The following KIF20B variants were observed in gnomAD, a reference collection of about 807,000 sequenced individuals.
KIF20B encodes the protein kinesin-like protein KIF20B.
A neutral mutation model predicts 232.5 loss-of-function variants in KIF20B; 188 were observed. The observed-to-expected ratio is 0.81, with a 90% confidence interval of 0.72 to 0.91. KIF20B has a LOEUF of 0.91. Among genes scored for constraint, KIF20B ranks in the 40% least tolerant of loss-of-function variants. KIF20B has a pLI of 0.00. For missense variants in KIF20B, 2,154 were observed against 2,055.9 expected, an observed-to-expected ratio of 1.05 and a Z score of -0.92; for synonymous variants, 712 against 683.0, an observed-to-expected ratio of 1.04 and a Z score of -0.66.
rs1427537146 is a variant in KIF20B at position 89,726,505 on chromosome 10, A to G, written c.2214A>G (p.Leu738=). 3 of 1,591,226 alleles carry G rather than the reference A, an allele frequency of 1.9e-6. No individual in the cohort carries two copies. ...KGELIKTKEE[L]KKRENESDSL... Reference sequence around the variant, plus strand: ...AATTAATCAAAACCAAAGAAGAGTTAAAAAAGAGAGAAAATGGTAAGTGGA... The same window carrying G: ...AATTAATCAAAACCAAAGAAGAGTTGAAAAAGAGAGAAAATGGTAAGTGGA... Residue 738 remains leucine (L), a synonymous_variant, in exon 16 of 33, where the codon TTA becomes TTG. Coordinates refer to ENST00000371728, the MANE Select transcript of KIF20B (RefSeq NM_001284259.2).
intron 5 of KIF20B, among the ~76,000 whole-genome samples, 169 bp downstream of exon 5, chr10:89,710,234 G>A (rs986469660): frequency 1.4e-5 from 2 of 142,196 alleles, no homozygotes; most frequent in Admixed American, 7.1e-5. Flanking sequence ...TTTTTTTGGC[G>A]GGGGAGGGAC....
chr10:89,719,823 A>C, intron 13 of KIF20B, 117 bp downstream of exon 13: 1 of 794,406 alleles, frequency 1.3e-6, no homozygotes, highest in Non-Finnish European at 2.0e-6. Context: ...TTTGTGTTCA[A>C]CTTTATATTT....
intron 22 of KIF20B, among the ~76,000 whole-genome samples, chr10:89,744,662 G>A (rs1474531349): frequency 6.6e-6 from 1 of 151,884 alleles, no homozygotes; most frequent in Non-Finnish European, 1.5e-5. Flanking sequence ...TATTGTATAT[G>A]GTTATTTTTT....
At position 89,768,887 on chromosome 10, in the gene KIF20B, A is replaced by G; in HGVS notation, c.5241A>G (p.Lys1747=). ...LQHSPSILQS[K]AKKIIETMSS... is the part of the protein sequence containing the mutation. ...ATTCTCCCTCAATTCTTCAATCAAAAGGTTTGCAGAAAATTAATTAAATGA... is the reference window on the plus strand; with the variant it reads ...ATTCTCCCTCAATTCTTCAATCAAAGGGTTTGCAGAAAATTAATTAAATGA... The change falls in exon 31 of 33, where the codon AAA becomes AAG. Residue 1747 remains lysine, a splice_region_variant and synonymous_variant. Coordinates refer to ENST00000371728, the MANE Select transcript of KIF20B (RefSeq NM_001284259.2). 6.3e-7 allele frequency: 1 copy of G among 1,580,468 alleles called. No individual in the cohort carries two copies. Among genetic ancestry groups the G allele is most frequent in the Non-Finnish European group, 8.5e-7 (1 of 1,170,084 alleles).
rs750803274 is a variant in KIF20B at position 89,768,273 on chromosome 10, A to C, written c.4990-17A>C. 7 of 1,441,704 alleles carry C rather than the reference A, an allele frequency of 4.9e-6. No individual in the cohort carries two copies. The East Asian group carries it at 1.6e-4, about 33-fold the overall frequency. The allele number at this position is 1,441,704 out of a possible 1,614,324, so 89.3% of individuals were successfully genotyped here. A position where few individuals can be genotyped will look rare whatever the true frequency, so the allele number is the denominator to read the frequency against. ...ATTGTCAAGAAATTAACTGGTGCTAAAATTCATTATTTTTAGGACTTGGTG... is the reference window on the plus strand; with the variant it reads ...ATTGTCAAGAAATTAACTGGTGCTACAATTCATTATTTTTAGGACTTGGTG... On this transcript the variant is annotated splice_polypyrimidine_tract_variant and intron_variant, in intron 29 of 32. Coordinates refer to ENST00000371728, the MANE Select transcript of KIF20B (RefSeq NM_001284259.2).
rs1296232866 is a variant in KIF20B, at chr10:89,768,825, G to A, written c.5179G>A (p.Glu1727Lys). Residue 1727 changes from glutamate to lysine, a missense_variant, in exon 31 of 33, where the codon GAA (glutamate) becomes AAA (lysine). Transcript: ENST00000371728. ...IGVNLATKKK[E>K]GTLQKFGDFL... ...TGTAAACCTGGCCACTAAGAAAAAA[G>A]AAGGAACACTACAGAAATTTGGAGA... The A allele has an allele frequency of 6.2e-7, 1 of 1,610,004 alleles. No individual in the cohort carries two copies. Among genetic ancestry groups the A allele is most frequent in the Admixed American group, 1.7e-5 (1 of 59,510 alleles).
chr10:89,719,721 C>T lies in KIF20B; in HGVS notation c.1722+15C>T. 6.4e-7 allele frequency: 1 copy of T among 1,551,860 alleles called. No individual in the cohort carries two copies. The highest frequency in any genetic ancestry group is 8.7e-7 in the Non-Finnish European group (1 of 1,145,318). On this transcript the variant is annotated intron_variant, in intron 13 of 32. Transcript: ENST00000371728. ...AGGAGAAAAGAGTATGTATTAAGAA[C>T]TCATACTTCTATGCTTGTCTTCTTA...
intron 25 of KIF20B, among the ~76,000 whole-genome samples, chr10:89,754,153 C>T (rs1842075686): frequency 6.7e-6 from 1 of 150,304 alleles, no homozygotes; most frequent in South Asian, 2.1e-4. Flanking sequence ...ATTTTTAGAA[C>T]CATCCAGTTA....
chr10:89,752,721 A>G, intron 25 of KIF20B, 30 bp downstream of exon 25: 1 of 1,446,864 alleles, frequency 6.9e-7, no homozygotes, highest in East Asian at 2.6e-5. Flanking sequence ...TTTATGTATG[A>G]ATGTATCTGT....
At chr10:89,712,312 G>T (rs546296646) in intron 6 of KIF20B, among the ~76,000 whole-genome samples, 1 of 151,368 alleles carries the variant, frequency 6.6e-6, no homozygotes, top group East Asian at 1.9e-4. Flanking sequence ...GGAGTATAGC[G>T]GTATGATCAT....
intron 27 of KIF20B, among the ~76,000 whole-genome samples, chr10:89,759,291 T>C (rs1030198695): frequency 2.0e-5 from 3 of 152,078 alleles, no homozygotes; most frequent in African/African-American, 7.2e-5. Context: ...CAAATTATTT[T>C]GAAAGTAAGC....
intron 1 of KIF20B, among the ~76,000 whole-genome samples, chr10:89,703,587 G>C (rs140016459): frequency 0.017 from 2,620 of 152,186 alleles, 35 homozygotes; most frequent in Non-Finnish European, 0.026. Context: ...AGTGGCTTGG[G>C]GGTCTTGATA....
At chr10:89,772,234 T>A (rs1362072519) in intron 31 of KIF20B, among the ~76,000 whole-genome samples, 1 of 152,078 alleles carries the variant, frequency 6.6e-6, no homozygotes, top group African/African-American at 2.4e-5. Flanking sequence ...TCCATTTGTG[T>A]GTGGACTTGA....
chr10:89,723,756 A>G (rs1406418939), intron 13 of KIF20B: 2 of 382,964 alleles, frequency 5.2e-6, no homozygotes, highest in African/African-American at 2.1e-5. Flanking sequence ...CCAAAGGTCT[A>G]TTTCTAAAAT....
chr10:89,768,253 C>A (rs1051651174), intron 29 of KIF20B, 37 bp from the exon 30 acceptor site: 3 of 1,256,516 alleles, frequency 2.4e-6, no homozygotes, highest in South Asian at 1.3e-5. Flanking sequence ...AAAATATTGT[C>A]AAGAAATTAA....
Position 89,729,230 on chromosome 10 carries a change from A to C in KIF20B, c.2374A>C (p.Asn792His). ...TCAGAACCTAAAGTCTCATATGGAA[A>C]ACACATTTAAATGCAATGTAAGAAT... ...EFQNLKSHME[N>H]TFKCNDKADT... Residue 792 changes from asparagine (N) to histidine (H), a missense_variant, in exon 18 of 33, where the codon AAC becomes CAC. Coordinates refer to ENST00000371728, the MANE Select transcript of KIF20B (RefSeq NM_001284259.2). 5 of 1,490,486 alleles carry C rather than the reference A, an allele frequency of 3.4e-6. No homozygotes were observed. Among genetic ancestry groups the C allele is most frequent in the Non-Finnish European group, 4.5e-6 (5 of 1,109,930 alleles). 92.3% of individuals were successfully genotyped at this position (1,490,486 alleles called of 1,614,324 possible). A position where few individuals can be genotyped will look rare whatever the true frequency, so the allele number is the denominator to read the frequency against.
intron 26 of KIF20B, among the ~76,000 whole-genome samples, chr10:89,757,040 G>GTGTGTGTGTGTGTGTGTATATA (rs1301847520): frequency 3.6e-5 from 4 of 110,738 alleles, no homozygotes; most frequent in African/African-American, 1.3e-4. Context: ...GTGTGTGTGT[G>GTGTGTGTGTGTGTGTGTATATA]TATATATATA....
At chr10:89,706,542 A>G (rs1280715145) in intron 2 of KIF20B, among the ~76,000 whole-genome samples, 2 of 151,566 alleles carry the variant, frequency 1.3e-5, no homozygotes, top group Admixed American at 6.6e-5. Context: ...TTGAGTAGTT[A>G]TATCTGTGGT....
chr10:89,723,116 A>T (rs549755572), intron 13 of KIF20B, among the ~76,000 whole-genome samples: 1 of 152,158 alleles, frequency 6.6e-6, no homozygotes, highest in Non-Finnish European at 1.5e-5. Flanking sequence ...GTTATATTAT[A>T]ATTATTTTCA....
Sources: gnomAD v4.1 joint callset for allele counts (sites outside exome capture counted in the v4.1 genomes callset) on GRCh38, gnomAD v4.1.1 for gene constraint, MANE v1.5 for transcripts, NCBI Gene and HGNC (gene_info 2026-07-23, HGNC 2026-07-21) for gene names.